The following RTF2 variants were observed in gnomAD, a reference collection of about 807,000 sequenced individuals.
RTF2 encodes UPF0549 protein C20orf43.
Under a neutral mutation model 38.0 loss-of-function variants are expected in RTF2, and 18 were observed. The observed-to-expected ratio is 0.47, with a 90% CI of 0.33 to 0.70. The LOEUF is 0.70. Ranked by LOEUF, RTF2 falls within the 30% of genes least tolerant of loss-of-function variation. The probability of loss-of-function intolerance (pLI) is 0.02; values close to 1 mark genes in which losing one functional copy is unlikely to be tolerated. For missense variants in RTF2, 311 were observed against 379.6 expected, an observed-to-expected ratio of 0.82 and a Z score of 1.50; for synonymous variants, 126 against 137.1, an observed-to-expected ratio of 0.92 and a Z score of 0.57.
intron 6 of RTF2, 144 bp from the exon 7 acceptor site, chr20:56,516,791 A>G (rs1985066192): frequency 1.4e-6 from 1 of 739,132 alleles, no homozygotes; most frequent in Non-Finnish European, 2.4e-6. Context: ...ACGGAACATC[A>G]AAAGCCTTCT....
chr20:56,484,396 G>A (rs544033090), intron 5 of RTF2, among the ~76,000 whole-genome samples: 158 of 152,348 alleles, frequency 1.0e-3, no homozygotes, highest in African/African-American at 3.6e-3. Context: ...GACCACACGA[G>A]GGCTGTTTCC....
At chr20:56,495,362 C>T (rs939473199) in intron 5 of RTF2, 2 of 1,228,676 alleles carry the variant, frequency 1.6e-6, no homozygotes, top group Non-Finnish European at 2.3e-6. Flanking sequence ...AGTACAAGTT[C>T]TTCTGTGCTA....
rs368029194 is a variant in RTF2, at chr20:56,516,985, T to A, written c.642T>A (p.Ser214Arg). 176 of 1,613,836 alleles carry A rather than the reference T, an allele frequency of 1.1e-4. No homozygotes were observed. The highest frequency in any genetic ancestry group is 1.3e-4 in the Non-Finnish European group (159 of 1,179,804). The change falls in exon 7 of 9, where the codon AGT (serine) becomes AGA (arginine). Residue 214 changes from serine (S) to arginine (R), a missense_variant. Physicochemically the swap from Ser to Arg is moderately radical, Grantham distance 110. Coordinates refer to ENST00000357348, the MANE Select transcript of RTF2 (RefSeq NM_016407.5). ...AAESVSKPDV[S>R]EEAPGPSKVK... ...AGTCTGTTTCAAAACCAGATGTCAG[T>A]GAAGGTAAGATCCTTCAAGAGATCC...
chr20:56,496,746 A>G (rs948438047), intron 5 of RTF2: 4 of 1,552,200 alleles, frequency 2.6e-6, no homozygotes, highest in Non-Finnish European at 3.5e-6. Flanking sequence ...GAACTCTACA[A>G]ACTTCCTTGT....
intron 5 of RTF2, among the ~76,000 whole-genome samples, chr20:56,498,562 A>G (rs901376113): frequency 6.6e-6 from 1 of 152,126 alleles, no homozygotes; most frequent in African/African-American, 2.4e-5. Context: ...AGGTATCTTT[A>G]TCTAATAACA....
At chr20:56,479,535 T>A (rs1321680889) in intron 4 of RTF2, among the ~76,000 whole-genome samples, 2 of 152,194 alleles carry the variant, frequency 1.3e-5, no homozygotes, top group Admixed American at 1.3e-4. Flanking sequence ...AAATCACAGA[T>A]GTTCTTAATG....
intron 5 of RTF2, among the ~76,000 whole-genome samples, chr20:56,486,742 A>G (rs1170435055): frequency 6.6e-6 from 1 of 152,250 alleles, no homozygotes; most frequent in Admixed American, 6.5e-5. Flanking sequence ...AGATATTGAC[A>G]GTACAGTTGG....
At chr20:56,502,884 C>T (rs1984012000) in intron 5 of RTF2, among the ~76,000 whole-genome samples, 1 of 152,174 alleles carries the variant, frequency 6.6e-6, no homozygotes, top group African/African-American at 2.4e-5. Flanking sequence ...ACAGCCCTAG[C>T]ACTTACGAGT....
At chr20:56,510,433 AC>A (rs1984574304) in intron 5 of RTF2, among the ~76,000 whole-genome samples, 1 of 152,196 alleles carries the variant, frequency 6.6e-6, no homozygotes, top group African/African-American at 2.4e-5. Context: ...TAAAACAGAA[AC>A]CCAGAATGCT....
At chr20:56,491,409 C>T in intron 5 of RTF2, 1 of 635,944 alleles carries the variant, frequency 1.6e-6, no homozygotes, top group South Asian at 2.0e-5. Flanking sequence ...GGCCTGTAAT[C>T]AATAGTAAAG....
At chr20:56,514,856 T>A (rs1282997910) in intron 6 of RTF2, among the ~76,000 whole-genome samples, 1 of 152,184 alleles carries the variant, frequency 6.6e-6, no homozygotes, top group Non-Finnish European at 1.5e-5. Context: ...TATTATAAGA[T>A]GTTAATACAA....
chr20:56,516,940 A>C lies in RTF2; in HGVS notation c.597A>C (p.Thr199=). The C allele has an allele frequency of 6.2e-7, 1 of 1,614,036 alleles. No individual in the cohort carries two copies. Among genetic ancestry groups the C allele is most frequent in the Non-Finnish European group, 8.5e-7 (1 of 1,179,860 alleles). The change falls in exon 7 of 9, where the codon ACA becomes ACC. Residue 199 remains threonine, a synonymous_variant. Transcript: ENST00000357348. The stretch of plus-strand genomic sequence containing the variant: ...CATTCTCTATCTTTTTGTAGAAAAC[A>C]AAGAAACCCAAGGCAGCAGAGTCTG... ...RRLRAKLEKK[T]KKPKAAESVS... is the part of the protein sequence containing the mutation.
rs147143049 is a variant in RTF2, at chr20:56,480,507, G to A, written c.398+3383G>A. On this transcript the variant is annotated intron_variant, in intron 4 of 8. Transcript: ENST00000357348. ...TTACCATTCATCTGTTTATAGAGTG[G>A]CACTTTTAATTTCCTTCAAGAACTT... Among the ~76,000 whole-genome samples, 582 of 152,294 alleles carry A rather than the reference G, an allele frequency of 3.8e-3. 4 individuals are homozygous for A. The highest frequency in any genetic ancestry group is 0.013 in the African/African-American group (544 of 41,556).
chr20:56,476,941 C>T, intron 3 of RTF2, 44 bp from the exon 4 acceptor site: 1 of 1,598,832 alleles, frequency 6.3e-7, no homozygotes, highest in Non-Finnish European at 8.6e-7. Context: ...AAAGGATGAT[C>T]TGTTTATCAA....
rs373777816 is a variant in RTF2 at position 56,517,350 on chromosome 20, G to T, written c.742+149G>T. On this transcript the variant is annotated intron_variant, in intron 8 of 8. Transcript: ENST00000357348. ...GAGTGCACTGAACTCTCTTTAGGGG[G>T]GTAACTAAGAAATATTGAACACACC... The T allele has an allele frequency of 8.1e-4, 528 of 652,302 alleles. 1 individual carries two copies. Among genetic ancestry groups the T allele is most frequent in the African/African-American group, 8.0e-3 (438 of 54,916 alleles). 40.4% of individuals were successfully genotyped at this position (652,302 alleles called of 1,614,324 possible).
chr20:56,512,448 G>T (rs1388785869), intron 5 of RTF2, among the ~76,000 whole-genome samples: 1 of 152,076 alleles, frequency 6.6e-6, no homozygotes, highest in Non-Finnish European at 1.5e-5. Context: ...AGAGTGCTGG[G>T]ATCCCACCAG....
chr20:56,473,466 T>A lies in RTF2; in HGVS notation c.164+71T>A, dbSNP rs1036454470. On this transcript the variant is annotated intron_variant, in intron 2 of 8. Coordinates refer to ENST00000357348, the MANE Select transcript of RTF2 (RefSeq NM_016407.5). The stretch of plus-strand genomic sequence containing the variant: ...GAGAATTTTGATGTGTAAATGCAGT[T>A]TTCCATTCATCAAGCGTGGATTATC... 3.5e-5 allele frequency: 39 copies of A among 1,124,864 alleles called. No individual in the cohort carries two copies. In the South Asian group the frequency reaches 4.5e-4, roughly 13 times the overall value. The allele number at this position is 1,124,864 out of a possible 1,614,324, so 69.7% of individuals were successfully genotyped here. A position where few individuals can be genotyped will look rare whatever the true frequency, so the allele number is the denominator to read the frequency against.
chr20:56,472,637 G>A (rs1350378404), intron 1 of RTF2, among the ~76,000 whole-genome samples: 1 of 151,748 alleles, frequency 6.6e-6, no homozygotes, highest in African/African-American at 2.4e-5. Context: ...AACTTAGCAG[G>A]CTTTCCCATT....
At chr20:56,476,795 G>A (rs147730410) in intron 3 of RTF2, among the ~76,000 whole-genome samples, 190 bp from the exon 4 acceptor site, 1,995 of 152,028 alleles carry the variant, frequency 0.013, 57 homozygotes, top group African/African-American at 0.046. Context: ...CACCACACCC[G>A]GCCTTGTTTT....
Sources: gnomAD v4.1 joint callset for allele counts (sites outside exome capture counted in the v4.1 genomes callset) on GRCh38, gnomAD v4.1.1 for gene constraint, MANE v1.5 for transcripts, NCBI Gene and HGNC (gene_info 2026-07-23, HGNC 2026-07-21) for gene names.